CSGALNACT1: variants seen among roughly 807,000 people sequenced by gnomAD.
The protein encoded by CSGALNACT1 is chondroitin sulfate N-acetylgalactosaminyltransferase 1, also known as beta4GalNAcT-1.
A neutral mutation model predicts 51.0 loss-of-function variants in CSGALNACT1; 52 were observed. The ratio of observed to expected loss-of-function variants is 1.02; its 90% confidence interval spans 0.82 to 1.29. CSGALNACT1 has a LOEUF of 1.29. Among genes scored for constraint, CSGALNACT1 ranks in the 50% most tolerant of loss-of-function variants. CSGALNACT1 has a pLI of 0.00. For missense variants in CSGALNACT1, 935 were observed against 679.2 expected (o/e 1.38, Z -4.19); for synonymous variants, 341 against 254.4 (o/e 1.34, Z -3.24).
rs370680214 is a variant in CSGALNACT1 at position 19,449,883 on chromosome 8, G to T, written c.851+8543C>A. 9.2e-5 allele frequency among the ~76,000 whole-genome samples: 14 copies of T among 151,724 alleles called. No individual in the cohort carries two copies. The East Asian group carries it at 2.5e-3, about 28-fold the overall frequency. Reference sequence around the variant, plus strand: ...CTTTTTCCCCTCAGAGAGGCTCAGAGATAAAGACCAAAGAAAATCTATAGC... The same window carrying T: ...CTTTTTCCCCTCAGAGAGGCTCAGATATAAAGACCAAAGAAAATCTATAGC... On this transcript the variant is annotated intron_variant, in intron 5 of 9. Coordinates refer to ENST00000454498, the Ensembl canonical transcript of CSGALNACT1.
intron 3 of CSGALNACT1, among the ~76,000 whole-genome samples, chr8:19,526,645 T>A (rs2081769501): frequency 1.3e-5 from 2 of 152,062 alleles, no homozygotes; most frequent in South Asian, 4.1e-4. Context: ...ATTTGACTGA[T>A]AAAGATATTA....
chr8:19,558,814 G>T (rs1358005946), intron 3 of CSGALNACT1, among the ~76,000 whole-genome samples: 1 of 152,020 alleles, frequency 6.6e-6, no homozygotes, highest in Admixed American at 6.5e-5. Flanking sequence ...ATGGTTTCAG[G>T]GATGAGGCCA....
chr8:19,539,175 G>C (rs1286950698), intron 3 of CSGALNACT1, among the ~76,000 whole-genome samples: 3 of 152,160 alleles, frequency 2.0e-5, no homozygotes, highest in Non-Finnish European at 4.4e-5. Context: ...CACAGAGTCA[G>C]TGGGTTGTGT....
At chr8:19,562,312 G>A (rs1482003698) in intron 3 of CSGALNACT1, among the ~76,000 whole-genome samples, 1 of 152,150 alleles carries the variant, frequency 6.6e-6, no homozygotes, top group African/African-American at 2.4e-5. Context: ...TCATTTTGAA[G>A]TGCCCTTTTA....
At chr8:19,526,786 G>C (rs1349116435) in intron 3 of CSGALNACT1, among the ~76,000 whole-genome samples, 1 of 152,096 alleles carries the variant, frequency 6.6e-6, no homozygotes, top group Non-Finnish European at 1.5e-5. Flanking sequence ...TTCTCCAACA[G>C]GTATTTCATG....
In CSGALNACT1 at chr8:19,450,931, A is replaced by T. The variant is rs2063080828; in HGVS notation, c.851+7495T>A. Among the ~76,000 whole-genome samples, 6 of 152,150 alleles carry T rather than the reference A, an allele frequency of 3.9e-5. No individual in the cohort carries two copies. In the South Asian group the frequency reaches 1.2e-3, roughly 32 times the overall value. ...GACCCTGTCTTCAAAAAAAAATAAAAAATAATAAAAAAAAAGGACTCACAC... is the reference window on the plus strand; with the variant it reads ...GACCCTGTCTTCAAAAAAAAATAAATAATAATAAAAAAAAAGGACTCACAC... On this transcript the variant is annotated intron_variant, in intron 5 of 9. Transcript: ENST00000454498.
chr8:19,444,388 AT>A (rs2061790074), intron 5 of CSGALNACT1, among the ~76,000 whole-genome samples: 1 of 152,118 alleles, frequency 6.6e-6, no homozygotes, highest in Non-Finnish European at 1.5e-5. Flanking sequence ...CCAGTCCTTG[AT>A]TGCTTGAATC....
intron 9 of CSGALNACT1, 39 bp from the exon 9 acceptor site, chr8:19,406,108 G>C (rs1000543367): frequency 1.2e-6 from 2 of 1,612,192 alleles, no homozygotes; most frequent in Non-Finnish European, 1.7e-6. Flanking sequence ...ACACTGCACT[G>C]ATCTGTTTTG....
intron 4 of CSGALNACT1, among the ~76,000 whole-genome samples, chr8:19,500,679 G>A (rs1217268756): frequency 6.6e-6 from 1 of 152,224 alleles, no homozygotes; most frequent in Non-Finnish European, 1.5e-5. Flanking sequence ...TTGTTGAAGA[G>A]TACAGGAGGT....
At chr8:19,480,794 CAG>C (rs945987760) in intron 4 of CSGALNACT1, among the ~76,000 whole-genome samples, 1 of 152,152 alleles carries the variant, frequency 6.6e-6, no homozygotes, top group Non-Finnish European at 1.5e-5. Context: ...CTCACTCCAG[CAG>C]TGAGTTGCCT....
At chr8:19,588,583 A>G (rs1204263352) in intron 3 of CSGALNACT1, among the ~76,000 whole-genome samples, 1 of 152,244 alleles carries the variant, frequency 6.6e-6, no homozygotes, top group Non-Finnish European at 1.5e-5. Flanking sequence ...CTTATACACC[A>G]GGCAGTATTT....
At chr8:19,457,639 T>C in intron 5 of CSGALNACT1, 1 of 1,276,970 alleles carries the variant, frequency 7.8e-7, no homozygotes. Flanking sequence ...AAAATCAGCT[T>C]GATCTTTCAA....
At chr8:19,566,499 G>T (rs1023561702) in intron 3 of CSGALNACT1, among the ~76,000 whole-genome samples, 3 of 152,216 alleles carry the variant, frequency 2.0e-5, no homozygotes, top group Non-Finnish European at 4.4e-5. Flanking sequence ...AAACCAACAC[G>T]CACACTTAAT....
chr8:19,496,652 G>C (rs1178445886), intron 4 of CSGALNACT1, among the ~76,000 whole-genome samples: 2 of 152,164 alleles, frequency 1.3e-5, no homozygotes, highest in Non-Finnish European at 2.9e-5. Context: ...GTGAAGTCAC[G>C]GAGCAAACAG....
At chr8:19,746,675 C>A (rs931066185) in intron 1 of CSGALNACT1, among the ~76,000 whole-genome samples, 2 of 152,186 alleles carry the variant, frequency 1.3e-5, no homozygotes, top group Non-Finnish European at 2.9e-5. Context: ...CATTGGTTCT[C>A]TCATTAATTC....
At chr8:19,637,337 T>C (rs1465399219) in intron 1 of CSGALNACT1, among the ~76,000 whole-genome samples, 3 of 152,228 alleles carry the variant, frequency 2.0e-5, no homozygotes, top group Non-Finnish European at 4.4e-5. Context: ...AATTTGGAGT[T>C]GGTCGTTTTA....
At chr8:19,599,997 G>A (rs980413152) in intron 2 of CSGALNACT1, among the ~76,000 whole-genome samples, 1 of 152,160 alleles carries the variant, frequency 6.6e-6, no homozygotes, top group Non-Finnish European at 1.5e-5. Context: ...TGTGCAGTAG[G>A]GATAGCCTTG....
intron 4 of CSGALNACT1, among the ~76,000 whole-genome samples, chr8:19,488,906 G>C (rs2073740323): frequency 6.6e-6 from 1 of 152,122 alleles, no homozygotes; most frequent in Non-Finnish European, 1.5e-5. Context: ...CTGCTCATGA[G>C]TCACAGCAGA....
intron 1 of CSGALNACT1, among the ~76,000 whole-genome samples, chr8:19,637,678 T>A (rs943500429): frequency 6.6e-6 from 1 of 152,198 alleles, no homozygotes; most frequent in African/African-American, 2.4e-5. Context: ...ATTATAAAAC[T>A]GAGCCTAAGT....
Sources: allele counts gnomAD v4.1 joint callset (sites outside exome capture counted in the v4.1 genomes callset), GRCh38; gene constraint gnomAD v4.1.1; transcripts MANE v1.5; gene names NCBI Gene and HGNC (gene_info 2026-07-23, HGNC 2026-07-21).